The following ADGRB3 variants were observed in gnomAD, a reference collection of about 807,000 sequenced individuals.
ADGRB3 encodes the protein adhesion G protein-coupled receptor B3.
ADGRB3 carries 37 observed loss-of-function variants against 193.4 expected under a neutral mutation model. That is an observed-to-expected ratio of 0.19 (90% CI 0.15 to 0.25). The LOEUF (loss-of-function observed/expected upper bound fraction) is 0.25, where lower values mean the gene tolerates loss of function less well. Ranked by LOEUF, ADGRB3 falls within the 10% of genes least tolerant of loss-of-function variation. The pLI, the probability that ADGRB3 is intolerant of heterozygous loss-of-function variation, is 1.00. For missense variants in ADGRB3, 1,637 were observed against 1,852.9 expected (o/e 0.88, Z 2.14); for synonymous variants, 690 against 644.2 (o/e 1.07, Z -1.08).
Position 68,841,477 on chromosome 6 carries a change from A to G in ADGRB3, c.758-89082A>G, listed in dbSNP as rs1768157970. 2.6e-5 allele frequency among the ~76,000 whole-genome samples: 4 copies of G among 152,188 alleles called. 1 individual carries two copies. In the South Asian group the frequency reaches 8.3e-4, roughly 32 times the overall value. On this transcript the variant is annotated intron_variant, in intron 3 of 31. Transcript: ENST00000370598. ...GGAATTTTTCAAACTATACAAGCTCATGGAAATTAAACAATATGCTCCTGA... is the reference window on the plus strand; with the variant it reads ...GGAATTTTTCAAACTATACAAGCTCGTGGAAATTAAACAATATGCTCCTGA...
At chr6:69,020,249 G>A (rs1770224388) in intron 13 of ADGRB3, among the ~76,000 whole-genome samples, 1 of 152,058 alleles carries the variant, frequency 6.6e-6, no homozygotes, top group African/African-American at 2.4e-5. Flanking sequence ...TGTGCAGAAT[G>A]TGTTTGGAAT....
At chr6:69,097,213 G>T (rs973786504) in intron 17 of ADGRB3, among the ~76,000 whole-genome samples, 1 of 152,162 alleles carries the variant, frequency 6.6e-6, no homozygotes, top group Non-Finnish European at 1.5e-5. Context: ...GACTCAGGTC[G>T]AGCTATACAT....
intron 6 of ADGRB3, among the ~76,000 whole-genome samples, chr6:68,953,298 A>G (rs1767981839): frequency 1.3e-5 from 2 of 152,192 alleles, no homozygotes; most frequent in Admixed American, 1.3e-4. Flanking sequence ...CTAGTCACTC[A>G]GCACTAAGAT....
intron 3 of ADGRB3, among the ~76,000 whole-genome samples, chr6:68,730,409 T>C (rs1226519459): frequency 6.6e-6 from 1 of 151,588 alleles, no homozygotes; most frequent in African/African-American, 2.4e-5. Context: ...CTTCAGAAAT[T>C]TGCATTTTAA....
intron 3 of ADGRB3, among the ~76,000 whole-genome samples, chr6:68,801,799 A>G (rs1767316943): frequency 6.6e-6 from 1 of 152,202 alleles, no homozygotes; most frequent in Non-Finnish European, 1.5e-5. Context: ...CTCCTATGAA[A>G]TGCATAAATG....
chr6:69,046,240 AT>A (rs1771234985), intron 13 of ADGRB3, among the ~76,000 whole-genome samples: 1 of 152,124 alleles, frequency 6.6e-6, no homozygotes, highest in South Asian at 2.1e-4. Context: ...GAAAATCTTT[AT>A]TTCTTTTCAG....
At chr6:69,235,794 A>G (rs1306979454) in intron 19 of ADGRB3, among the ~76,000 whole-genome samples, 1 of 151,930 alleles carries the variant, frequency 6.6e-6, no homozygotes, top group Non-Finnish European at 1.5e-5. Context: ...ATTTTTTAAG[A>G]CTTGTTTTTG....
At chr6:69,023,448 A>C (rs1267671080) in intron 13 of ADGRB3, among the ~76,000 whole-genome samples, 2 of 152,140 alleles carry the variant, frequency 1.3e-5, no homozygotes, top group African/African-American at 2.4e-5. Flanking sequence ...AAGAGTGAAT[A>C]GCAAATAGAT....
At chr6:68,884,822 G>A (rs1765860065) in intron 3 of ADGRB3, among the ~76,000 whole-genome samples, 1 of 152,100 alleles carries the variant, frequency 6.6e-6, no homozygotes, top group Admixed American at 6.6e-5. Flanking sequence ...TCAGATTCTT[G>A]GGAGATAATT....
chr6:69,165,031 T>C (rs1265407260), intron 17 of ADGRB3, among the ~76,000 whole-genome samples: 2 of 151,652 alleles, frequency 1.3e-5, no homozygotes, highest in Non-Finnish European at 1.5e-5. Context: ...CTTCACACAG[T>C]CTCCTTACTG....
chr6:68,870,057 G>T (rs1173175644), intron 3 of ADGRB3, among the ~76,000 whole-genome samples: 1 of 152,200 alleles, frequency 6.6e-6, no homozygotes, highest in African/African-American at 2.4e-5. Context: ...GGGATTACAG[G>T]TGTGAGCCAC....
At chr6:68,807,228 CTTTTTTCTTTTTTTTT>C (rs1245387931) in intron 3 of ADGRB3, among the ~76,000 whole-genome samples, 3 of 94,660 alleles carry the variant, frequency 3.2e-5, no homozygotes, top group Admixed American at 1.3e-4. Context: ...TTTCTTTTTT[CTTTTTTCTTTTTTTTT>C]TTTTTTTTTT....
intron 15 of ADGRB3, among the ~76,000 whole-genome samples, chr6:69,056,148 A>C (rs1460453075): frequency 1.3e-5 from 2 of 152,006 alleles, no homozygotes; most frequent in Admixed American, 6.6e-5. Flanking sequence ...GTTTTTTAAT[A>C]ATGGTTATCC....
chr6:69,309,048 C>G (rs779518091), intron 20 of ADGRB3, among the ~76,000 whole-genome samples: 10 of 151,720 alleles, frequency 6.6e-5, no homozygotes, highest in Admixed American at 4.0e-4. Context: ...AGCCAGTCAT[C>G]TCCACAACAA....
chr6:68,920,323 T>C (rs577722918), intron 3 of ADGRB3, among the ~76,000 whole-genome samples: 1 of 151,938 alleles, frequency 6.6e-6, no homozygotes, highest in East Asian at 1.9e-4. Context: ...TTCCACACCA[T>C]CCTGGCTAAC....
At chr6:68,884,719 T>A (rs564501030) in intron 3 of ADGRB3, among the ~76,000 whole-genome samples, 7 of 152,116 alleles carry the variant, frequency 4.6e-5, no homozygotes, top group Non-Finnish European at 7.4e-5. Context: ...GGAGGAGTTG[T>A]GCGCAATACA....
intron 3 of ADGRB3, among the ~76,000 whole-genome samples, chr6:68,842,373 G>T (rs922730798): frequency 6.6e-6 from 1 of 151,738 alleles, no homozygotes; most frequent in Non-Finnish European, 1.5e-5. Context: ...ATCATTAGAG[G>T]CTAATGTTAG....
intron 20 of ADGRB3, among the ~76,000 whole-genome samples, chr6:69,244,423 C>A (rs1280540650): frequency 1.3e-5 from 2 of 152,070 alleles, no homozygotes; most frequent in Non-Finnish European, 2.9e-5. Flanking sequence ...GGGTCAAGCA[C>A]TCTCTAATTC....
chr6:68,662,946 T>C (rs117450420), intron 3 of ADGRB3, among the ~76,000 whole-genome samples: 3,339 of 150,760 alleles, frequency 0.022, 65 homozygotes, highest in South Asian at 0.07. Flanking sequence ...ATAGTATAAG[T>C]TTTTTTCTGA....
Sources: allele counts gnomAD v4.1 joint callset (sites outside exome capture counted in the v4.1 genomes callset), GRCh38; gene constraint gnomAD v4.1.1; transcripts MANE v1.5; gene names NCBI Gene and HGNC (gene_info 2026-07-23, HGNC 2026-07-21).